ALPK3: variants seen among roughly 807,000 people sequenced by gnomAD.
ALPK3 encodes the protein alpha-protein kinase 3.
Under a neutral mutation model 140.0 loss-of-function variants are expected in ALPK3, and 102 were observed. The observed-to-expected ratio is 0.73, with a 90% confidence interval of 0.62 to 0.86. The LOEUF (loss-of-function observed/expected upper bound fraction) is 0.86. Among genes scored for constraint, ALPK3 ranks in the 40% least tolerant of loss-of-function variants. The pLI is 0.00. For synonymous variants in ALPK3, 938 were observed against 898.5 expected, an observed-to-expected ratio of 1.04 and a Z score of -0.79; for missense variants, 2,254 against 2,208.2, an observed-to-expected ratio of 1.02 and a Z score of -0.42.
At chr15:84,846,094 A>G (rs1250953458) in intron 5 of ALPK3, among the ~76,000 whole-genome samples, 1 of 152,110 alleles carries the variant, frequency 6.6e-6, no homozygotes, top group Non-Finnish European at 1.5e-5. Flanking sequence ...CAATAAAAAA[A>G]CCCCAAACAG....
chr15:84,821,189 A>G (rs373454533), intron 1 of ALPK3, among the ~76,000 whole-genome samples: 22 of 152,328 alleles, frequency 1.4e-4, no homozygotes, highest in African/African-American at 5.3e-4. Context: ...GGGCACAGGC[A>G]GGTCTCCCAC....
chr15:84,866,727 T>A (rs932756803), intron 12 of ALPK3, among the ~76,000 whole-genome samples: 4 of 152,226 alleles, frequency 2.6e-5, no homozygotes, highest in Non-Finnish European at 4.4e-5. Flanking sequence ...CAGAAGCCAG[T>A]CTTCTGTAGT....
intron 13 of ALPK3, 77 bp from the exon 14 acceptor site, chr15:84,868,034 G>C: frequency 7.0e-7 from 1 of 1,434,784 alleles, no homozygotes; most frequent in Non-Finnish European, 9.5e-7. Flanking sequence ...CCTGATGATG[G>C]CCACCCCAGA....
Position 84,823,439 on chromosome 15 carries a change from T to A in ALPK3, c.182+71T>A, listed in dbSNP as rs961056280. 6 of 1,550,538 alleles carry A rather than the reference T, an allele frequency of 3.9e-6. No homozygotes were observed. The African/African-American group carries it at 8.2e-5, about 21-fold the overall frequency. ...GTCTGGGCATTGAGGGGCCACTGAG[T>A]GTCTGCTCGTGCACTAACCAGGCTG... is the stretch of plus-strand genomic sequence containing the variant. On this transcript the variant is annotated intron_variant, in intron 2 of 13. Transcript: ENST00000258888.
intron 11 of ALPK3, 150 bp downstream of exon 11, chr15:84,863,790 C>T: frequency 2.7e-6 from 2 of 730,010 alleles, no homozygotes; most frequent in South Asian, 4.1e-5. Flanking sequence ...AGTGGCCTCA[C>T]AAAATGTAGA....
chr15:84,823,462 C>A, intron 2 of ALPK3, 94 bp downstream of exon 2: 1 of 1,418,922 alleles, frequency 7.0e-7, no homozygotes, highest in South Asian at 1.2e-5. Flanking sequence ...ACTAACCAGG[C>A]TGCATGGGGT....
intron 3 of ALPK3, among the ~76,000 whole-genome samples, chr15:84,830,661 T>C (rs1393017036): frequency 6.6e-6 from 1 of 152,208 alleles, no homozygotes; most frequent in Admixed American, 6.6e-5. Context: ...AGATGTTGGA[T>C]TCCTTGTGTC....
chr15:84,827,431 G>A (rs1963500445), intron 2 of ALPK3, 53 bp from the exon 3 acceptor site: 3 of 1,610,604 alleles, frequency 1.9e-6, no homozygotes, highest in Non-Finnish European at 2.5e-6. Context: ...AGGCCAGGCT[G>A]TGCTGTTTGT....
At chr15:84,867,286 G>A in intron 12 of ALPK3, 31 bp from the exon 13 acceptor site, 2 of 1,612,996 alleles carry the variant, frequency 1.2e-6, no homozygotes, top group Non-Finnish European at 1.7e-6. Flanking sequence ...AGCCCAGACT[G>A]GCATCAACTC....
In ALPK3 at chr15:84,864,684, G is replaced by A. The variant is rs963456189; in HGVS notation, c.4723+19G>A. 2 of 1,609,446 alleles carry A rather than the reference G, an allele frequency of 1.2e-6. No homozygotes were observed. The highest frequency in any genetic ancestry group is 2.2e-5 in the East Asian group (1 of 44,742). On this transcript the variant is annotated intron_variant, in intron 12 of 13. Transcript: ENST00000258888. ...TTGGCAGGTACGAGGGTGTGAGGGTGCACGGGTACGCATGTGCATGGATGT... is the reference window on the plus strand; with the variant it reads ...TTGGCAGGTACGAGGGTGTGAGGGTACACGGGTACGCATGTGCATGGATGT...
chr15:84,827,941 T>C (rs1464098542), intron 3 of ALPK3, among the ~76,000 whole-genome samples: 1 of 152,218 alleles, frequency 6.6e-6, no homozygotes, highest in Admixed American at 6.5e-5. Flanking sequence ...GCCATCTCCC[T>C]GAGTATCCCC....
rs777775538 is a variant in ALPK3, at chr15:84,863,617, G to T, written c.4476G>T (p.Ala1492=). The change falls in exon 11 of 14, where the codon GCG becomes GCT. Residue 1492 remains alanine (A), a synonymous_variant. Transcript: ENST00000258888. ...CKIFAAEARA[A]PGFGEVPEII... The stretch of plus-strand genomic sequence containing the variant: ...TCTTCGCAGCAGAAGCCCGGGCCGC[G>T]CCTGGCTTTGGGGAGGTGCCTGAGT... The T allele has an allele frequency of 6.2e-7, 1 of 1,614,008 alleles. No homozygotes were observed. Among genetic ancestry groups the T allele is most frequent in the Non-Finnish European group, 8.5e-7 (1 of 1,179,950 alleles).
intron 5 of ALPK3, among the ~76,000 whole-genome samples, chr15:84,843,912 TG>T (rs1963695376): frequency 6.6e-6 from 1 of 152,074 alleles, no homozygotes; most frequent in Admixed American, 6.6e-5. Flanking sequence ...CTGGCCAATG[TG>T]GTGAAACCCT....
intron 5 of ALPK3, among the ~76,000 whole-genome samples, chr15:84,850,840 T>C (rs1476326459): frequency 6.6e-6 from 1 of 151,526 alleles, no homozygotes; most frequent in Non-Finnish European, 1.5e-5. Flanking sequence ...TTAAGAAACA[T>C]ATGACATTCC....
At chr15:84,835,782 G>A (rs1005057547) in intron 3 of ALPK3, among the ~76,000 whole-genome samples, 1 of 152,184 alleles carries the variant, frequency 6.6e-6, no homozygotes, top group Admixed American at 6.5e-5. Context: ...AAGCTTTCCT[G>A]AGTCCCTAGC....
chr15:84,864,710 G>A (rs752344536), intron 12 of ALPK3, 45 bp downstream of exon 12: 2 of 1,574,180 alleles, frequency 1.3e-6, no homozygotes, highest in Admixed American at 3.4e-5. Flanking sequence ...GCATGGATGT[G>A]AAAGCATGCA....
intron 12 of ALPK3, among the ~76,000 whole-genome samples, chr15:84,865,001 C>T (rs1391079752): frequency 6.6e-6 from 1 of 152,172 alleles, no homozygotes; most frequent in African/African-American, 2.4e-5. Flanking sequence ...CCCTTCTTCC[C>T]TTCCCTGCAG....
chr15:84,830,354 C>A (rs991559490), intron 3 of ALPK3, among the ~76,000 whole-genome samples: 1 of 152,196 alleles, frequency 6.6e-6, no homozygotes, highest in Admixed American at 6.5e-5. Context: ...TCCTGGATCT[C>A]ATGTCTTCCT....
Position 84,840,790 on chromosome 15 carries a change from A to G in ALPK3, c.1511A>G (p.Gln504Arg). ...TDSKPISSLS[Q>R]APECGAQSLG... ...AGCAAGCCCATTTCTTCTCTGAGTC[A>G]AGCTCCAGAATGCGGGGCCCAGAGC... The change falls in exon 5 of 14, where the codon CAA becomes CGA. Residue 504 changes from glutamine (Q) to arginine (R), a missense_variant. Physicochemically the swap from Gln to Arg is conservative, Grantham distance 43. This residue lies in a region of ALPK3 where 2,088 missense variants were observed against 2,022.9 expected (regional missense o/e 1.03). Coordinates refer to ENST00000258888, the MANE Select transcript of ALPK3 (RefSeq NM_020778.5). The G allele has an allele frequency of 6.2e-7, 1 of 1,614,234 alleles. No individual in the cohort carries two copies. Among genetic ancestry groups the G allele is most frequent in the Non-Finnish European group, 8.5e-7 (1 of 1,180,032 alleles).
Sources: gnomAD v4.1 joint callset for allele counts (sites outside exome capture counted in the v4.1 genomes callset) on GRCh38, gnomAD v4.1.1 for gene constraint, gnomAD v4.1.1 regional missense constraint, MANE v1.5 for transcripts, NCBI Gene and HGNC (gene_info 2026-07-23, HGNC 2026-07-21) for gene names.